The following CCNY variants were observed in gnomAD, a reference collection of about 807,000 sequenced individuals.
CCNY encodes cyclin-Y.
CCNY carries 19 observed loss-of-function variants against 42.8 expected under a neutral mutation model. The ratio of observed to expected loss-of-function variants is 0.44; its 90% CI spans 0.31 to 0.65. The LOEUF (loss-of-function observed/expected upper bound fraction) is 0.65. Among genes scored for constraint, CCNY ranks in the 30% least tolerant of loss-of-function variants. The pLI is 0.07. For missense variants in CCNY, 370 were observed against 437.3 expected (o/e 0.85, Z 1.37); for synonymous variants, 165 against 162.7 (o/e 1.01, Z -0.11).
chr10:35,480,136 C>G (rs1284575643), intron 1 of CCNY, among the ~76,000 whole-genome samples: 1 of 152,236 alleles, frequency 6.6e-6, no homozygotes, highest in Non-Finnish European at 1.5e-5. Context: ...TCTCTGAACT[C>G]TGCAAGTCAC....
At chr10:35,552,511 T>A (rs980042344) in intron 7 of CCNY, among the ~76,000 whole-genome samples, 24 of 152,244 alleles carry the variant, frequency 1.6e-4, no homozygotes, top group African/African-American at 5.8e-4. Flanking sequence ...ACAGTGTGAA[T>A]GTACCTAATG....
chr10:35,261,637 C>T (rs1356027392), intron 3 of CCNY, among the ~76,000 whole-genome samples: 2 of 152,042 alleles, frequency 1.3e-5, no homozygotes, highest in African/African-American at 4.8e-5. Flanking sequence ...CCCAGGAGGT[C>T]GAGGCTACAG....
intron 3 of CCNY, among the ~76,000 whole-genome samples, chr10:35,251,230 C>T (rs1029477078): frequency 6.6e-5 from 10 of 151,416 alleles, no homozygotes; most frequent in Non-Finnish European, 1.0e-4. Flanking sequence ...AACCACATCT[C>T]GACAAAAATA....
upstream of CCNY, among the ~76,000 whole-genome samples, chr10:35,332,719 C>T (rs1202610578): frequency 6.6e-6 from 1 of 152,114 alleles, no homozygotes; most frequent in Non-Finnish European, 1.5e-5. Context: ...ATTCTCCTGC[C>T]TCAGCCTCCC....
At position 35,569,338 on chromosome 10, in the gene CCNY, C is replaced by T. The variant is rs1013058191; in HGVS notation, c.*168C>T. The T allele has an allele frequency of 5.0e-6, 3 of 604,746 alleles. No individual in the cohort carries two copies. Among genetic ancestry groups the T allele is most frequent in the Admixed American group, 2.8e-5 (1 of 36,056 alleles). 37.5% of individuals were successfully genotyped at this position (604,746 alleles called of 1,614,324 possible). A position where few individuals can be genotyped will look rare whatever the true frequency, so the allele number is the denominator to read the frequency against. Reference sequence around the variant, plus strand: ...CCCATGCAGCAAGGCTTGGAGGAAGCGTCAGTGCCCTGGAGATCCCAGCTC... The same window carrying T: ...CCCATGCAGCAAGGCTTGGAGGAAGTGTCAGTGCCCTGGAGATCCCAGCTC... On this transcript the variant is annotated 3_prime_UTR_variant, in exon 10 of 10. Coordinates refer to ENST00000374704, the MANE Select transcript of CCNY (RefSeq NM_145012.6).
chr10:35,307,818 A>T (rs56972790), intron 3 of CCNY, among the ~76,000 whole-genome samples: 40,511 of 96,150 alleles, frequency 0.42, 8,622 homozygotes, highest in Middle Eastern at 0.45. Context: ...ATATATATAT[A>T]TTTTTTTTTT....
chr10:35,340,190 A>G (rs773667467), intron 1 of CCNY, among the ~76,000 whole-genome samples: 14 of 152,190 alleles, frequency 9.2e-5, no homozygotes, highest in South Asian at 2.1e-4. Context: ...CAGCCAATAC[A>G]TGGCAAATGG....
chr10:35,314,739 T>C (rs1010509093), intron 3 of CCNY: 1 of 152,150 alleles, frequency 6.6e-6, no homozygotes, highest in Non-Finnish European at 1.5e-5. Context: ...CATTTACTTA[T>C]GCTAGCAATT....
intron 1 of CCNY, among the ~76,000 whole-genome samples, chr10:35,478,956 G>C (rs906423073): frequency 1.3e-5 from 2 of 152,222 alleles, no homozygotes; most frequent in African/African-American, 4.8e-5. Context: ...GACATGAACA[G>C]ACACTTCTCA....
chr10:35,493,708 A>C (rs925059999), intron 2 of CCNY, among the ~76,000 whole-genome samples: 14 of 152,332 alleles, frequency 9.2e-5, no homozygotes, highest in Middle Eastern at 6.8e-3. Context: ...CCATTTCCAC[A>C]TGATTTCCCT....
chr10:35,437,150 A>ATTG (rs1838554739), intron 1 of CCNY, among the ~76,000 whole-genome samples: 1 of 152,216 alleles, frequency 6.6e-6, no homozygotes, highest in Admixed American at 6.5e-5. Context: ...CGGCCCCACC[A>ATTG]TTGACACATG....
At chr10:35,350,901 C>T (rs184507291) in intron 1 of CCNY, among the ~76,000 whole-genome samples, 123 of 152,282 alleles carry the variant, frequency 8.1e-4, no homozygotes, top group Admixed American at 8.0e-3. Context: ...GTATTCCTGA[C>T]AAACATTGTC....
At chr10:35,547,637 C>G (rs1589197135) in intron 7 of CCNY, among the ~76,000 whole-genome samples, 1 of 152,268 alleles carries the variant, frequency 6.6e-6, no homozygotes, top group East Asian at 1.9e-4. Context: ...GTATGTAGTC[C>G]CGCTGACTTC....
chr10:35,443,322 T>G (rs1013703751), intron 1 of CCNY, among the ~76,000 whole-genome samples: 2 of 152,266 alleles, frequency 1.3e-5, no homozygotes, highest in Non-Finnish European at 2.9e-5. Context: ...TTTAAAACTT[T>G]TTGACTTTTG....
At chr10:35,488,970 A>T (rs1428798144) in intron 2 of CCNY, among the ~76,000 whole-genome samples, 2 of 152,306 alleles carry the variant, frequency 1.3e-5, no homozygotes, top group East Asian at 3.9e-4. Context: ...TCACACTATC[A>T]TATTCTTTTC....
intron 3 of CCNY, among the ~76,000 whole-genome samples, chr10:35,504,533 A>G (rs1174689616): frequency 6.6e-6 from 1 of 152,268 alleles, no homozygotes; most frequent in Non-Finnish European, 1.5e-5. Flanking sequence ...ATGTTTTGAC[A>G]GCAGGTTCAA....
At chr10:35,520,592 TG>T (rs1840527786) in intron 4 of CCNY, among the ~76,000 whole-genome samples, 1 of 152,288 alleles carries the variant, frequency 6.6e-6, no homozygotes, top group East Asian at 1.9e-4. Context: ...AGCTGATTTT[TG>T]GAAAATAATC....
chr10:35,477,100 C>G (rs970059224), intron 1 of CCNY, among the ~76,000 whole-genome samples: 1 of 152,126 alleles, frequency 6.6e-6, no homozygotes, highest in African/African-American at 2.4e-5. Flanking sequence ...GAAGTTGAAT[C>G]TCTGAATAGA....
At chr10:35,402,476 G>C (rs1438078040) in intron 1 of CCNY, among the ~76,000 whole-genome samples, 1 of 152,180 alleles carries the variant, frequency 6.6e-6, no homozygotes, top group African/African-American at 2.4e-5. Flanking sequence ...TACCAGGCCA[G>C]ATTGATTTAG....
Sources: gnomAD v4.1 joint callset for allele counts (sites outside exome capture counted in the v4.1 genomes callset) on GRCh38, gnomAD v4.1.1 for gene constraint, MANE v1.5 for transcripts, NCBI Gene and HGNC (gene_info 2026-07-23, HGNC 2026-07-21) for gene names.